CLDN16: variants seen among roughly 807,000 people sequenced by gnomAD.
CLDN16 encodes claudin 16, also known as claudin-16.
Under a neutral mutation model 24.6 loss-of-function variants are expected in CLDN16, and 13 were observed. That is an observed-to-expected ratio of 0.53 (90% CI 0.34 to 0.84). The LOEUF is 0.84. Among genes scored for constraint, CLDN16 ranks in the 40% least tolerant of loss-of-function variants. The probability of loss-of-function intolerance (pLI) is 0.01; values close to 1 mark genes in which losing one functional copy is unlikely to be tolerated. For missense variants in CLDN16, 298 were observed against 292.7 expected (o/e 1.02, Z -0.13); for synonymous variants, 116 against 106.7 (o/e 1.09, Z -0.54).
chr3:190,343,158 C>T (rs76852276), intron 1 of CLDN16, among the ~76,000 whole-genome samples: 5,970 of 152,086 alleles, frequency 0.039, 395 homozygotes, highest in African/African-American at 0.13. Context: ...GACTGAAATA[C>T]GTATTTCTCC....
intron 1 of CLDN16, among the ~76,000 whole-genome samples, chr3:190,334,056 G>T (rs1015663612): frequency 6.6e-6 from 1 of 152,084 alleles, no homozygotes; most frequent in African/African-American, 2.4e-5. Context: ...GAACATGAAT[G>T]AATCATTCAT....
the CLDN16 span, among the ~76,000 whole-genome samples, chr3:190,315,905 T>C: frequency 1.3e-5 from 2 of 152,184 alleles, no homozygotes; most frequent in Admixed American, 6.5e-5. Flanking sequence ...AAGGAACACA[T>C]GTGCATAAAC....
intron 1 of CLDN16, among the ~76,000 whole-genome samples, chr3:190,331,866 T>C (rs1471544589): frequency 6.6e-6 from 1 of 152,218 alleles, no homozygotes; most frequent in Non-Finnish European, 1.5e-5. Context: ...TATGTACTTC[T>C]CTGGAGGCTC....
the CLDN16 span, chr3:190,305,895 T>A: frequency 6.6e-6 from 1 of 152,182 alleles, no homozygotes; most frequent in Non-Finnish European, 1.5e-5. Flanking sequence ...TTTTGTAATG[T>A]TTGGTAACTG....
chr3:190,358,485 G>C (rs968046221), intron 1 of CLDN16, among the ~76,000 whole-genome samples: 1 of 151,892 alleles, frequency 6.6e-6, no homozygotes, highest in Non-Finnish European at 1.5e-5. Context: ...CAGTCAGACA[G>C]AAAGATTCAC....
intron 1 of CLDN16, among the ~76,000 whole-genome samples, chr3:190,396,357 T>C (rs1476916285): frequency 6.6e-6 from 1 of 152,226 alleles, no homozygotes; most frequent in Non-Finnish European, 1.5e-5. Flanking sequence ...TTTTGGCTTC[T>C]GGATTTAGCT....
the CLDN16 span, among the ~76,000 whole-genome samples, chr3:190,309,558 T>G: frequency 1.3e-5 from 2 of 152,178 alleles, no homozygotes; most frequent in African/African-American, 4.8e-5. Context: ...CGTCTCTGAT[T>G]AAAGAATGTT....
chr3:190,343,592 T>C lies in CLDN16; in HGVS notation n.121+20931T>C, dbSNP rs539063654. ...GGATGAATGGATAAAAAATCTATAGTGTATATATACAAAGAAATATTATTC... is the reference window on the plus strand; with the variant it reads ...GGATGAATGGATAAAAAATCTATAGCGTATATATACAAAGAAATATTATTC... On this transcript the variant is annotated intron_variant and non_coding_transcript_variant, in intron 1 of 4. Transcript: ENST00000468220. Among the ~76,000 whole-genome samples, 144 of 152,230 alleles carry C rather than the reference T, an allele frequency of 9.5e-4. 1 individual carries two copies. Among genetic ancestry groups the C allele is most frequent in the Non-Finnish European group, 1.5e-3 (102 of 67,982 alleles).
At position 190,340,584 on chromosome 3, in the gene CLDN16, A is replaced by C. The variant is rs1168166878; in HGVS notation, n.121+17923A>C. On this transcript the variant is annotated intron_variant and non_coding_transcript_variant, in intron 1 of 4. Coordinates refer to the CLDN16 transcript ENST00000468220. Reference sequence around the variant, plus strand: ...ACACGTGGGAATCGTGGGAGTTACAAATCAAGATGAGATTTGGGTGGGGAC... The same window carrying C: ...ACACGTGGGAATCGTGGGAGTTACACATCAAGATGAGATTTGGGTGGGGAC... Among the ~76,000 whole-genome samples the C allele has an allele frequency of 3.9e-5, 6 of 152,258 alleles. No homozygotes were observed. In the East Asian group the frequency reaches 1.2e-3, roughly 29 times the overall value.
upstream of CLDN16, among the ~76,000 whole-genome samples, chr3:190,387,012 G>A (rs1379218897): frequency 6.6e-6 from 1 of 152,066 alleles, no homozygotes. Context: ...GCTGATTCAT[G>A]CCAGAGTAAT....
rs543480944 is a variant in CLDN16, at chr3:190,374,327, C to T, written n.231-201C>T. ...TGTGTGTGTGTGGTTTTCCCTGAAG[C>T]AGAGTCAGAGACCCTTAATTTGCAC... is the stretch of plus-strand genomic sequence containing the variant. On this transcript the variant is annotated intron_variant and non_coding_transcript_variant, in intron 2 of 4. Coordinates refer to the CLDN16 transcript ENST00000468220. Among the ~76,000 whole-genome samples the T allele has an allele frequency of 8.5e-4, 122 of 143,906 alleles. 1 individual carries two copies. The highest frequency in any genetic ancestry group is 3.1e-3 in the African/African-American group (116 of 37,110). The allele number at this position is 143,906 out of a possible 152,430, so 94.4% of individuals were successfully genotyped here. A position where few individuals can be genotyped will look rare whatever the true frequency, so the allele number is the denominator to read the frequency against.
At chr3:190,376,298 G>T (rs1718247357) in intron 3 of CLDN16, among the ~76,000 whole-genome samples, 1 of 151,664 alleles carries the variant, frequency 6.6e-6, no homozygotes. Flanking sequence ...TGATATGAAA[G>T]ATTAGAAAAT....
chr3:190,356,389 A>G (rs1041305076), intron 1 of CLDN16, among the ~76,000 whole-genome samples: 1 of 151,872 alleles, frequency 6.6e-6, no homozygotes, highest in Non-Finnish European at 1.5e-5. Flanking sequence ...AAAATGTTAT[A>G]TACACAAAGC....
intron 1 of CLDN16, among the ~76,000 whole-genome samples, chr3:190,333,267 C>T (rs1717221359): frequency 6.6e-6 from 1 of 152,048 alleles, no homozygotes; most frequent in African/African-American, 2.4e-5. Context: ...CTCTAAGGAT[C>T]CACAACTTTC....
intron 1 of CLDN16, among the ~76,000 whole-genome samples, chr3:190,394,670 T>A (rs1718769855): frequency 6.6e-6 from 1 of 152,130 alleles, no homozygotes; most frequent in African/African-American, 2.4e-5. Context: ...TTTGCTCACA[T>A]GAGTTGATAG....
the CLDN16 span, among the ~76,000 whole-genome samples, chr3:190,316,381 G>C: frequency 0.045 from 6,880 of 152,214 alleles, 260 homozygotes; most frequent in South Asian, 0.099. Context: ...AAATTCTTAA[G>C]TATAGTTATA....
chr3:190,291,638 A>C, the CLDN16 span, among the ~76,000 whole-genome samples: 22 of 152,232 alleles, frequency 1.4e-4, no homozygotes, highest in Admixed American at 4.6e-4. Context: ...TCCCTCTTAA[A>C]TATTACATCT....
At chr3:190,352,761 G>A (rs769176378) in intron 1 of CLDN16, among the ~76,000 whole-genome samples, 1 of 151,216 alleles carries the variant, frequency 6.6e-6, no homozygotes, top group Non-Finnish European at 1.5e-5. Context: ...AGAGAATCTC[G>A]TAGAATTTAT....
chr3:190,360,505 A>C (rs558643216), intron 1 of CLDN16, among the ~76,000 whole-genome samples: 2 of 152,080 alleles, frequency 1.3e-5, no homozygotes, highest in African/African-American at 4.8e-5. Flanking sequence ...GTGTAATAGC[A>C]GAGTTGAAAT....
Sources: allele counts gnomAD v4.1 joint callset (sites outside exome capture counted in the v4.1 genomes callset), GRCh38; gene constraint gnomAD v4.1.1; transcripts MANE v1.5; gene names NCBI Gene and HGNC (gene_info 2026-07-23, HGNC 2026-07-21).